Variants in PAM observed in about 807,000 individuals in gnomAD.
PAM encodes the protein peptidylglycine alpha-amidating monooxygenase, also known as peptidyl-glycine alpha-amidating monooxygenase.
In PAM, 72 loss-of-function variants were observed where a neutral mutation model predicts 122.1. The observed-to-expected ratio is 0.59, with a 90% CI of 0.49 to 0.72. The LOEUF is 0.72. PAM is among the 30% of genes least tolerant of loss of function. PAM has a pLI of 0.00. For missense variants in PAM, 1,106 were observed against 1,183.7 expected (o/e 0.93, Z 0.96); for synonymous variants, 389 against 404.4 (o/e 0.96, Z 0.46).
chr5:102,904,034 G>T (rs1029013352), intron 4 of PAM, among the ~76,000 whole-genome samples: 1 of 151,566 alleles, frequency 6.6e-6, no homozygotes, highest in African/African-American at 2.4e-5. Flanking sequence ...ATAGTTATAT[G>T]TTGGGAGAGT....
At chr5:102,870,573 C>T (rs1169894733) in intron 3 of PAM, among the ~76,000 whole-genome samples, 2 of 152,186 alleles carry the variant, frequency 1.3e-5, no homozygotes, top group Admixed American at 6.5e-5. Context: ...GGTTTATTAT[C>T]TGTTGCAATA....
intron 7 of PAM, among the ~76,000 whole-genome samples, chr5:102,932,650 T>G (rs1367918078): frequency 6.7e-6 from 1 of 148,780 alleles, no homozygotes; most frequent in Non-Finnish European, 1.5e-5. Flanking sequence ...AATAAATAAA[T>G]AAATATATAT....
intron 1 of PAM, among the ~76,000 whole-genome samples, chr5:102,758,469 T>G (rs1314221664): frequency 1.3e-5 from 2 of 152,224 alleles, no homozygotes; most frequent in African/African-American, 2.4e-5. Context: ...CCATAAATGC[T>G]TCTTGTGTGT....
In PAM at chr5:102,775,744, T is replaced by G. The variant is rs147529195; in HGVS notation, c.-374+20396T>G. ...TTTTCTTTATTCAGTGTATCATTGA[T>G]GGGCATTTGGGTTGATTCCATGTCT... is the stretch of plus-strand genomic sequence containing the variant. On this transcript the variant is annotated intron_variant, in intron 1 of 25. Coordinates refer to ENST00000438793, the MANE Select transcript of PAM (RefSeq NM_001177306.2). Among the ~76,000 whole-genome samples the G allele has an allele frequency of 5.7e-3, 863 of 152,308 alleles. 4 individuals are homozygous for G. Among genetic ancestry groups the G allele is most frequent in the Middle Eastern group, 0.014 (4 of 294 alleles).
chr5:102,835,129 T>G (rs761899552), intron 1 of PAM, among the ~76,000 whole-genome samples: 1 of 152,166 alleles, frequency 6.6e-6, no homozygotes, highest in African/African-American at 2.4e-5. Context: ...GAATCTTGCA[T>G]GTATATAGCA....
At chr5:103,002,911 C>T (rs1422568801) in intron 16 of PAM, 122 bp from the exon 17 acceptor site, 19 of 643,804 alleles carry the variant, frequency 3.0e-5, no homozygotes, top group Non-Finnish European at 4.3e-5. Context: ...ATGTGGCAGA[C>T]AAAGAGTGAA....
intron 1 of PAM, among the ~76,000 whole-genome samples, chr5:102,763,133 T>G (rs1752872324): frequency 6.6e-6 from 1 of 152,188 alleles, no homozygotes; most frequent in Non-Finnish European, 1.5e-5. Flanking sequence ...TTAAACAGAC[T>G]CTCTTGGTCC....
intron 13 of PAM, among the ~76,000 whole-genome samples, chr5:102,960,920 T>C (rs113202312): frequency 4.9e-5 from 7 of 142,382 alleles, no homozygotes; most frequent in Admixed American, 1.5e-4. Context: ...TTATATATTA[T>C]TGAAAGGGTA....
At chr5:102,961,101 T>C (rs1762359458) in intron 13 of PAM, 57 bp from the exon 14 acceptor site, 2 of 856,588 alleles carry the variant, frequency 2.3e-6, no homozygotes, top group Non-Finnish European at 4.0e-6. Context: ...CAATAAACTA[T>C]TTTAAGTATG....
chr5:102,862,169 CAAAAAAA>C (rs57758540), intron 1 of PAM, among the ~76,000 whole-genome samples: 1 of 70,304 alleles, frequency 1.4e-5, no homozygotes, highest in African/African-American at 4.2e-5. Context: ...GACCCTGTCT[CAAAAAAA>C]AAAAAAAAAA....
At chr5:102,948,897 T>C (rs889699990) in intron 9 of PAM, among the ~76,000 whole-genome samples, 1 of 152,126 alleles carries the variant, frequency 6.6e-6, no homozygotes, top group Middle Eastern at 3.2e-3. Flanking sequence ...TGATAATAGC[T>C]GATTCTCCCA....
intron 18 of PAM, among the ~76,000 whole-genome samples, chr5:103,005,543 C>T (rs573927324): frequency 2.6e-5 from 4 of 152,282 alleles, no homozygotes; most frequent in African/African-American, 7.2e-5. Context: ...AGTATCCTTG[C>T]ATGGCCAGAG....
intron 1 of PAM, among the ~76,000 whole-genome samples, chr5:102,800,219 A>G (rs1764340699): frequency 6.6e-6 from 1 of 151,966 alleles, no homozygotes; most frequent in African/African-American, 2.4e-5. Context: ...TTCGATTTTT[A>G]TGCATCATGT....
chr5:102,776,696 T>G lies in PAM; in HGVS notation c.-374+21348T>G, dbSNP rs76854248. ...ATTTACTCTCTTAACCATTTTTAAA[T>G]GTACAGGTCAGTAGTATTAAGTTTC... On this transcript the variant is annotated intron_variant, in intron 1 of 25. Transcript: ENST00000438793. 8.4e-3 allele frequency among the ~76,000 whole-genome samples: 1,275 copies of G among 152,226 alleles called. 19 individuals are homozygous for G. The highest frequency in any genetic ancestry group is 0.029 in the African/African-American group (1,216 of 41,536).
At chr5:102,992,109 AC>A (rs1774254320) in intron 16 of PAM, among the ~76,000 whole-genome samples, 1 of 152,136 alleles carries the variant, frequency 6.6e-6, no homozygotes, top group Non-Finnish European at 1.5e-5. Context: ...TGAAACAGGA[AC>A]CACCTAAGAG....
At position 102,815,399 on chromosome 5, in the gene PAM, A is replaced by G. The variant is rs182779693; in HGVS notation, c.-373-50424A>G. On this transcript the variant is annotated intron_variant, in intron 1 of 25. Coordinates refer to ENST00000438793, the MANE Select transcript of PAM (RefSeq NM_001177306.2). ...AATGTTTTTGAGTGTTTTATCAGGC[A>G]TTTTATGGTGAATAAAATAGATTAC... is the stretch of plus-strand genomic sequence containing the variant. 4.6e-5 allele frequency among the ~76,000 whole-genome samples: 7 copies of G among 152,292 alleles called. No homozygotes were observed. In the East Asian group the frequency reaches 1.3e-3, roughly 29 times the overall value.
intron 1 of PAM, among the ~76,000 whole-genome samples, chr5:102,839,192 G>A (rs1777885345): frequency 6.6e-6 from 1 of 151,912 alleles, no homozygotes; most frequent in African/African-American, 2.4e-5. Flanking sequence ...CAAGCTCCAG[G>A]TATTTTCAAA....
Position 102,961,229 on chromosome 5 carries a change from G to A in PAM, c.1162G>A (p.Gly388Ser), listed in dbSNP as rs758854114. 2 of 1,519,184 alleles carry A rather than the reference G, an allele frequency of 1.3e-6. No individual in the cohort carries two copies. The highest frequency in any genetic ancestry group is 1.4e-5 in the African/African-American group (1 of 72,762). 94.1% of individuals were successfully genotyped at this position (1,519,184 alleles called of 1,614,324 possible). The change falls in exon 14 of 26, where the codon GGT becomes AGT. Residue 388 changes from glycine (G) to serine (S), a missense_variant and splice_region_variant. Gly to Ser is a moderately conservative substitution (Grantham distance 56). This residue lies in a region of PAM where 670 missense variants were observed against 690.3 expected (regional missense o/e 0.97). Coordinates refer to ENST00000438793, the MANE Select transcript of PAM (RefSeq NM_001177306.2). ...AGAAGAAGAAGAAGTGTTAGACCAG[G>A]GTATGTATGCTTATTTCTATAACTA... ...KREEEEVLDQ[G>S]DFYSLLSKLL...
Position 102,760,427 on chromosome 5 carries a change from G to A in PAM, c.-374+5079G>A, listed in dbSNP as rs145926689. Among the ~76,000 whole-genome samples the A allele has an allele frequency of 3.9e-5, 6 of 152,294 alleles. No homozygotes were observed. In the East Asian group the frequency reaches 1.2e-3, roughly 29 times the overall value. On this transcript the variant is annotated intron_variant, in intron 1 of 25. Transcript: ENST00000438793. ...GCACCCTGATTTCGTTAGCCTGCAAGTAGGATAAAAATCTCAGACCCTTAA... is the reference window on the plus strand; with the variant it reads ...GCACCCTGATTTCGTTAGCCTGCAAATAGGATAAAAATCTCAGACCCTTAA...
Sources: gnomAD v4.1 joint callset for allele counts (sites outside exome capture counted in the v4.1 genomes callset) on GRCh38, gnomAD v4.1.1 for gene constraint, gnomAD v4.1.1 regional missense constraint, MANE v1.5 for transcripts, NCBI Gene and HGNC (gene_info 2026-07-23, HGNC 2026-07-21) for gene names.